Variants in DLGAP1 observed in about 807,000 individuals in gnomAD.
DLGAP1 encodes the protein disks large-associated protein 1.
In DLGAP1, 11 loss-of-function variants were observed where a neutral mutation model predicts 90.8. That is an observed-to-expected ratio of 0.12 (90% CI 0.08 to 0.20). The LOEUF is 0.20. DLGAP1 is among the 10% of genes least tolerant of loss of function. The pLI is 1.00. For synonymous variants in DLGAP1, 558 were observed against 540.7 expected (o/e 1.03, Z -0.44); for missense variants, 1,050 against 1,333.8 (o/e 0.79, Z 3.31).
chr18:4,321,150 G>A (rs370233044), intron 1 of DLGAP1, among the ~76,000 whole-genome samples: 2 of 152,174 alleles, frequency 1.3e-5, no homozygotes, highest in African/African-American at 4.8e-5. Context: ...TGCAGACTGA[G>A]ATGAGAGACT....
chr18:3,627,123 AGAGAT>A (rs948303989), intron 7 of DLGAP1, among the ~76,000 whole-genome samples: 1 of 152,130 alleles, frequency 6.6e-6, no homozygotes, highest in African/African-American at 2.4e-5. Context: ...TTTTTTTAAT[AGAGAT>A]GAGGGCTCAC....
chr18:4,131,852 A>G (rs187606823), intron 2 of DLGAP1, among the ~76,000 whole-genome samples: 1 of 152,350 alleles, frequency 6.6e-6, no homozygotes, highest in Admixed American at 6.5e-5. Flanking sequence ...ATTGTCAAAG[A>G]TCTTATTTTT....
chr18:4,414,260 G>A (rs1388368620), intron 1 of DLGAP1, among the ~76,000 whole-genome samples: 2 of 152,158 alleles, frequency 1.3e-5, no homozygotes, highest in East Asian at 3.9e-4. Context: ...TATATGAAAT[G>A]TCTTGGAAGT....
At chr18:4,326,383 T>G (rs1357014785) in intron 1 of DLGAP1, among the ~76,000 whole-genome samples, 1 of 152,034 alleles carries the variant, frequency 6.6e-6, no homozygotes. Flanking sequence ...AAACGAACAC[T>G]TATACCCAAG....
chr18:4,219,927 T>C (rs1476910020), intron 1 of DLGAP1, among the ~76,000 whole-genome samples: 2 of 152,128 alleles, frequency 1.3e-5, no homozygotes, highest in African/African-American at 4.8e-5. Context: ...TCCTCCAGCT[T>C]TGTTCTTTTT....
At chr18:4,448,346 T>C (rs1015052160) in intron 1 of DLGAP1, among the ~76,000 whole-genome samples, 4 of 152,204 alleles carry the variant, frequency 2.6e-5, no homozygotes, top group Admixed American at 2.6e-4. Context: ...CTTGCTCTTC[T>C]ATATTCTTCA....
At chr18:4,414,625 C>G (rs1269470520) in intron 1 of DLGAP1, among the ~76,000 whole-genome samples, 1 of 151,442 alleles carries the variant, frequency 6.6e-6, no homozygotes, top group South Asian at 2.1e-4. Flanking sequence ...ACTCGGGAGG[C>G]TGAGGCAGGA....
In DLGAP1 at chr18:3,499,480, A is replaced by G. The variant is rs1396270621; in HGVS notation, c.2725-86T>C. On this transcript the variant is annotated intron_variant, in intron 12 of 12. Transcript: ENST00000315677. This position sits in a 1 kb window ranked among gnomAD's most constrained non-coding sequence, Gnocchi z 6.4. The stretch of plus-strand genomic sequence containing the variant: ...TGGGATAGGTCAGTAGTTAGAACAC[A>G]CAGTTTTTTACCTAGGGGTGGTTAG... 5 of 1,380,524 alleles carry G rather than the reference A, an allele frequency of 3.6e-6. No individual in the cohort carries two copies. In the Admixed American group the frequency reaches 9.2e-5, roughly 26 times the overall value. The allele number at this position is 1,380,524 out of a possible 1,614,324, so 85.5% of individuals were successfully genotyped here. A position where few individuals can be genotyped will look rare whatever the true frequency, so the allele number is the denominator to read the frequency against.
intron 3 of DLGAP1, among the ~76,000 whole-genome samples, chr18:3,883,796 G>A (rs755879877): frequency 2.0e-5 from 3 of 152,186 alleles, no homozygotes; most frequent in Non-Finnish European, 4.4e-5. Context: ...AGTCTTCAGA[G>A]CAAGGCAGGA....
intron 1 of DLGAP1, among the ~76,000 whole-genome samples, chr18:4,386,573 T>G (rs1050009021): frequency 6.6e-6 from 1 of 152,216 alleles, no homozygotes; most frequent in Non-Finnish European, 1.5e-5. Context: ...GTATAGCCAG[T>G]CGACCTGTCC....
chr18:3,967,839 C>A (rs1471946972), intron 3 of DLGAP1, among the ~76,000 whole-genome samples: 1 of 151,934 alleles, frequency 6.6e-6, no homozygotes, highest in African/African-American at 2.4e-5. Context: ...AGAAAATCAC[C>A]CAACTATGCA....
At chr18:3,514,235 T>A (rs1337903128) in intron 10 of DLGAP1, among the ~76,000 whole-genome samples, 1 of 151,978 alleles carries the variant, frequency 6.6e-6, no homozygotes, top group African/African-American at 2.4e-5. Flanking sequence ...GCCTCCCGAG[T>A]AGCTGGGATT....
At chr18:4,359,258 T>C (rs2081584520) in intron 1 of DLGAP1, among the ~76,000 whole-genome samples, 1 of 152,210 alleles carries the variant, frequency 6.6e-6, no homozygotes, top group African/African-American at 2.4e-5. Context: ...TTCTCCTTCC[T>C]TCTCCTCTGA....
At chr18:3,950,096 C>T (rs1420301729) in intron 3 of DLGAP1, among the ~76,000 whole-genome samples, 1 of 152,158 alleles carries the variant, frequency 6.6e-6, no homozygotes, top group Non-Finnish European at 1.5e-5. Context: ...ACAATCTGAT[C>T]TAGGCTCTTT....
chr18:3,605,090 C>G (rs1229492408), intron 7 of DLGAP1, among the ~76,000 whole-genome samples: 1 of 152,176 alleles, frequency 6.6e-6, no homozygotes, highest in Non-Finnish European at 1.5e-5. Flanking sequence ...CTGCAGTTTA[C>G]AAATCTCCCC....
At chr18:4,009,373 T>C (rs79026028) in intron 2 of DLGAP1, among the ~76,000 whole-genome samples, 3,842 of 152,336 alleles carry the variant, frequency 0.025, 157 homozygotes, top group African/African-American at 0.086. Flanking sequence ...CCATGTTTCC[T>C]ACTGTATTGC....
At chr18:3,814,318 C>T in intron 4 of DLGAP1, 45 bp from the exon 5 acceptor site, 1 of 1,512,002 alleles carries the variant, frequency 6.6e-7, no homozygotes, top group Non-Finnish European at 9.0e-7. Context: ...TAAAAGCCTA[C>T]CTTTTTCTTT....
chr18:3,953,987 T>G (rs2073037922), intron 3 of DLGAP1, among the ~76,000 whole-genome samples: 1 of 152,218 alleles, frequency 6.6e-6, no homozygotes, highest in Non-Finnish European at 1.5e-5. Context: ...CACCATCGGA[T>G]TGTCCTGAGG....
chr18:4,256,435 T>C (rs1598739093), intron 1 of DLGAP1, among the ~76,000 whole-genome samples: 1 of 152,058 alleles, frequency 6.6e-6, no homozygotes, highest in East Asian at 1.9e-4. Context: ...AAAACAAAAA[T>C]CATACCTCCG....
Sources: gnomAD v4.1 joint callset for allele counts (sites outside exome capture counted in the v4.1 genomes callset) on GRCh38, gnomAD v4.1.1 for gene constraint, Gnocchi (gnomAD v3.1) non-coding constraint, MANE v1.5 for transcripts, NCBI Gene and HGNC (gene_info 2026-07-23, HGNC 2026-07-21) for gene names.